Variants in GPC4 observed in about 807,000 individuals in gnomAD.
The protein encoded by GPC4 is glypican 4, also known as glypican-4.
Under a neutral mutation model 35.0 loss-of-function variants are expected in GPC4, and 10 were observed. The ratio of observed to expected loss-of-function variants is 0.29; its 90% CI spans 0.18 to 0.48. The LOEUF is 0.48. Among genes scored for constraint, GPC4 ranks in the 20% least tolerant of loss-of-function variants. GPC4 has a pLI of 0.99. For synonymous variants in GPC4, 167 were observed against 170.2 expected, an observed-to-expected ratio of 0.98 and a Z score of 0.15; for missense variants, 322 against 451.3, an observed-to-expected ratio of 0.71 and a Z score of 2.60.
At chrX:133,317,822 TTTC>T (rs2068346015) in intron 3 of GPC4, among the ~76,000 whole-genome samples, 1 of 108,968 alleles carries the variant, frequency 9.2e-6, no homozygotes. Flanking sequence ...ATGTGATGAG[TTTC>T]TTCAACAATT....
rs951545662 is a variant in GPC4 at position 133,311,349 on chromosome X, A to G, written c.786T>C (p.Thr262=). The G allele has an allele frequency of 1.7e-6, 2 of 1,209,465 alleles. No individual in the cohort carries two copies. Among genetic ancestry groups the G allele is most frequent in the South Asian group, 1.8e-5 (1 of 56,822 alleles). Residue 262 remains threonine, a synonymous_variant, in exon 4 of 9, where the codon ACT becomes ACC. Coordinates refer to ENST00000370828, the MANE Select transcript of GPC4 (RefSeq NM_001448.3). The part of the protein sequence containing the change: ...IYCSHCRGLV[T]VKPCYNYCSN... ...AGCAGTAGTTGTAACATGGCTTCAC[A>G]GTCACGAGACCCCGGCAGTGGGAGC...
At position 133,306,065 on chromosome X, in the gene GPC4, T is replaced by C. The variant is rs1185829058; in HGVS notation, c.967A>G (p.Ile323Val). ...ACACTATTATCCTGCATGTTCATAA[T>C]AGCATCAGAAATCTTCACATCGATG... is the stretch of plus-strand genomic sequence containing the variant. ...DPIDVKISDA[I>V]MNMQDNSVQV... The change falls in exon 5 of 9, where the codon ATT becomes GTT. Residue 323 changes from isoleucine (I) to valine (V), a missense_variant. Transcript: ENST00000370828. 1 of 1,211,084 alleles carries C rather than the reference T, an allele frequency of 8.3e-7. No individual in the cohort carries two copies. Among genetic ancestry groups the C allele is most frequent in the African/African-American group, 1.7e-5 (1 of 57,697 alleles).
intron 1 of GPC4, among the ~76,000 whole-genome samples, chrX:133,386,150 G>A (rs1034015433): frequency 9.3e-6 from 1 of 107,503 alleles, no homozygotes; most frequent in Non-Finnish European, 1.9e-5. Flanking sequence ...TGGGAGGATC[G>A]CTTGAGCCAA....
At chrX:133,355,681 G>C (rs764151116) in intron 1 of GPC4, among the ~76,000 whole-genome samples, 5 of 111,719 alleles carry the variant, frequency 4.5e-5, no homozygotes, top group Non-Finnish European at 9.4e-5. Context: ...CATCCAAATT[G>C]CATGTTGAAA....
At chrX:133,341,697 C>A (rs940765277) in intron 1 of GPC4, among the ~76,000 whole-genome samples, 14 of 110,622 alleles carry the variant, frequency 1.3e-4, no homozygotes, top group Middle Eastern at 4.7e-3. Context: ...CAAACACATG[C>A]GTACACACAC....
At chrX:133,399,449 T>A (rs1361864399) in intron 1 of GPC4, among the ~76,000 whole-genome samples, 2 of 111,682 alleles carry the variant, frequency 1.8e-5, no homozygotes, top group Non-Finnish European at 3.8e-5. Flanking sequence ...AAATTTAAAA[T>A]AGAATCAAGT....
intron 2 of GPC4, among the ~76,000 whole-genome samples, chrX:133,338,567 G>A (rs142163069): frequency 4.9e-4 from 55 of 111,617 alleles, no homozygotes; most frequent in African/African-American, 1.6e-3. Flanking sequence ...AAGAAGCCAC[G>A]TCTGGCATAG....
chrX:133,383,158 G>A (rs2068671323), intron 1 of GPC4, among the ~76,000 whole-genome samples: 1 of 112,082 alleles, frequency 8.9e-6, no homozygotes. Flanking sequence ...AAGCAACTAA[G>A]ATGTCCTTCA....
chrX:133,364,337 AC>A (rs199840003), intron 1 of GPC4, among the ~76,000 whole-genome samples: 1,581 of 111,739 alleles, frequency 0.014, 36 homozygotes, highest in African/African-American at 0.049. Flanking sequence ...AAATTCTGTT[AC>A]ACTTTCTGAG....
rs761898881 is a variant in GPC4 at position 133,303,018 on chromosome X, C to A, written c.1520G>T (p.Cys507Phe). 6 of 1,211,450 alleles carry A rather than the reference C, an allele frequency of 5.0e-6. No individual in the cohort carries two copies. Among genetic ancestry groups the A allele is most frequent in the Non-Finnish European group, 6.7e-6 (6 of 895,386 alleles). The change falls in exon 9 of 9, where the codon TGC (cysteine) becomes TTC (phenylalanine). Residue 507 changes from cysteine to phenylalanine, a missense_variant. Around this residue, in one of 3 missense-constraint regions of GPC4, gnomAD observed 99 missense variants for 110.0 expected, o/e 0.90. Coordinates refer to ENST00000370828, the MANE Select transcript of GPC4 (RefSeq NM_001448.3). ...GSGSGCEYQQCPSEFDYNATD... is the reference protein window; with the variant it reads ...GSGSGCEYQQFPSEFDYNATD... The stretch of plus-strand genomic sequence containing the variant: ...GGCATTGTAGTCAAACTCTGAAGGG[C>A]ACTGCTGATACTCACAGCCACTTCC...
intron 1 of GPC4, among the ~76,000 whole-genome samples, chrX:133,352,670 C>G (rs1434692694): frequency 9.0e-6 from 1 of 111,620 alleles, no homozygotes. Flanking sequence ...AGAGGTCTCA[C>G]CAGAGGAGAG....
At chrX:133,391,995 G>T (rs1231099462) in intron 1 of GPC4, among the ~76,000 whole-genome samples, 1 of 111,081 alleles carries the variant, frequency 9.0e-6, no homozygotes, top group East Asian at 2.8e-4. Context: ...CACTTTGGGA[G>T]GCCAAGGCTG....
chrX:133,303,621 G>A (rs1210368895), intron 7 of GPC4, among the ~76,000 whole-genome samples: 1 of 110,941 alleles, frequency 9.0e-6, no homozygotes, highest in East Asian at 2.8e-4. Context: ...GGAGGCTAAG[G>A]TGGGTGGATC....
Position 133,415,131 on chromosome X carries a change from A to G in GPC4, c.-166T>C. ...AGCAGGCGGAGGAGACGCGGGGCGAAAAGTAGAGCTGGGCCTCGCGTCAGG... is the reference window on the plus strand; with the variant it reads ...AGCAGGCGGAGGAGACGCGGGGCGAGAAGTAGAGCTGGGCCTCGCGTCAGG... On this transcript the variant is annotated 5_prime_UTR_variant, in exon 1 of 9. Coordinates refer to ENST00000370828, the MANE Select transcript of GPC4 (RefSeq NM_001448.3). 2.1e-6 allele frequency: 1 copy of G among 485,451 alleles called. No individual in the cohort carries two copies. The highest frequency in any genetic ancestry group is 3.4e-6 in the Non-Finnish European group (1 of 297,180). The allele number at this position is 485,451 out of a possible 1,213,427, so 40.0% of individuals were successfully genotyped here.
chrX:133,354,560 A>ATTTTTTTTTTTT (rs1174002540), intron 1 of GPC4, among the ~76,000 whole-genome samples: 1 of 93,702 alleles, frequency 1.1e-5, no homozygotes, highest in African/African-American at 4.8e-5. Context: ...TTATTTATTT[A>ATTTTTTTTTTTT]TTTATTTATT....
At chrX:133,358,657 A>C (rs2068552589) in intron 1 of GPC4, among the ~76,000 whole-genome samples, 1 of 112,256 alleles carries the variant, frequency 8.9e-6, no homozygotes, top group East Asian at 2.8e-4. Context: ...AAGGGAGAAC[A>C]AAGATGGAAA....
At chrX:133,376,266 C>T (rs938270925) in intron 1 of GPC4, among the ~76,000 whole-genome samples, 1 of 112,037 alleles carries the variant, frequency 8.9e-6, no homozygotes, top group Non-Finnish European at 1.9e-5. Context: ...GGGAGGGAGG[C>T]ACACAACCTA....
chrX:133,396,296 G>A (rs1443000753), intron 1 of GPC4, among the ~76,000 whole-genome samples: 3 of 111,357 alleles, frequency 2.7e-5, no homozygotes, highest in African/African-American at 6.5e-5. Flanking sequence ...TGAAAATAGC[G>A]ATAAATTCCT....
At chrX:133,413,038 T>C (rs1219528432) in intron 1 of GPC4, among the ~76,000 whole-genome samples, 1 of 112,727 alleles carries the variant, frequency 8.9e-6, no homozygotes, top group African/African-American at 3.2e-5. Context: ...ACGCCAATCA[T>C]CTCCGCTGTG....
Sources: gnomAD v4.1 joint callset for allele counts (sites outside exome capture counted in the v4.1 genomes callset) on GRCh38, gnomAD v4.1.1 for gene constraint, gnomAD v4.1.1 regional missense constraint, MANE v1.5 for transcripts, NCBI Gene and HGNC (gene_info 2026-07-23, HGNC 2026-07-21) for gene names.